The following PGM2 variants were observed in gnomAD, a reference collection of about 807,000 sequenced individuals.
PGM2 encodes the protein phosphopentomutase.
A neutral mutation model predicts 74.6 loss-of-function variants in PGM2; 57 were observed. The ratio of observed to expected loss-of-function variants is 0.76; its 90% CI spans 0.62 to 0.95. The LOEUF (loss-of-function observed/expected upper bound fraction) is 0.95. Among genes scored for constraint, PGM2 ranks in the 40% least tolerant of loss-of-function variants. The pLI is 0.00. For synonymous variants in PGM2, 273 were observed against 260.7 expected, an observed-to-expected ratio of 1.05 and a Z score of -0.46; for missense variants, 706 against 741.9, an observed-to-expected ratio of 0.95 and a Z score of 0.56.
chr4:37,828,429 C>CCATT (rs1725353930), intron 1 of PGM2, among the ~76,000 whole-genome samples: 1 of 151,886 alleles, frequency 6.6e-6, no homozygotes, highest in African/African-American at 2.4e-5. Context: ...GAGAAGAAGC[C>CCATT]CATTCATTCT....
intron 11 of PGM2, among the ~76,000 whole-genome samples, chr4:37,849,925 C>T (rs1372558555): frequency 6.6e-6 from 1 of 151,982 alleles, no homozygotes; most frequent in African/African-American, 2.4e-5. Flanking sequence ...GTAGCTGGGA[C>T]TACAGGTGCC....
chr4:37,846,947 T>C lies in PGM2; in HGVS notation c.1024T>C (p.Phe342Leu). 6.2e-7 allele frequency: 1 copy of C among 1,609,488 alleles called. No homozygotes were observed. Among genetic ancestry groups the C allele is most frequent in the Non-Finnish European group, 8.5e-7 (1 of 1,178,534 alleles). Residue 342 changes from phenylalanine to leucine, a missense_variant, in exon 9 of 14, where the codon TTT becomes CTT. This residue lies in a region of PGM2 where 359 missense variants were observed against 371.1 expected (regional missense o/e 0.97). Coordinates refer to ENST00000381967, the MANE Select transcript of PGM2 (RefSeq NM_018290.4). ...EKQDSGEWRV[F>L]SGNELGALLG... ...TTCTTTCAGTGGTGAATGGAGGGTG[T>C]TTTCAGGCAATGAGTTGGGGGCCCT...
intron 11 of PGM2, among the ~76,000 whole-genome samples, 192 bp downstream of exon 11, chr4:37,848,843 G>C (rs1470490905): frequency 6.6e-6 from 1 of 152,132 alleles, no homozygotes; most frequent in East Asian, 1.9e-4. Context: ...GCTGAGGCGG[G>C]TGGATCACCT....
At chr4:37,846,359 C>T (rs1725871886) in intron 8 of PGM2, among the ~76,000 whole-genome samples, 1 of 152,154 alleles carries the variant, frequency 6.6e-6, no homozygotes, top group South Asian at 2.1e-4. Context: ...AAACAGGTTC[C>T]ATTCTATATC....
At chr4:37,843,879 T>A (rs1461369802) in intron 6 of PGM2, among the ~76,000 whole-genome samples, 1 of 152,062 alleles carries the variant, frequency 6.6e-6, no homozygotes, top group Non-Finnish European at 1.5e-5. Context: ...AAAGTAAAAG[T>A]TTTATTTTTT....
chr4:37,845,509 G>C, intron 7 of PGM2, 124 bp from the exon 8 acceptor site: 2 of 653,116 alleles, frequency 3.1e-6, no homozygotes, highest in East Asian at 5.6e-5. Context: ...GTCTTGGTTG[G>C]TCCTATATTA....
Position 37,827,644 on chromosome 4 carries a change from A to G in PGM2, c.81+831A>G, listed in dbSNP as rs572598792. Among the ~76,000 whole-genome samples, 6 of 152,106 alleles carry G rather than the reference A, an allele frequency of 3.9e-5. No individual in the cohort carries two copies. The East Asian group carries it at 1.2e-3, about 29-fold the overall frequency. ...CCGAAGCGTTAAATTATTTATCCCTAATATTCACTCTAAACAGTCTGTTAT... is the reference window on the plus strand; with the variant it reads ...CCGAAGCGTTAAATTATTTATCCCTGATATTCACTCTAAACAGTCTGTTAT... On this transcript the variant is annotated intron_variant, in intron 1 of 13. Transcript: ENST00000381967.
Position 37,847,462 on chromosome 4 carries a change from GC to G in PGM2, c.1282+169del, listed in dbSNP as rs1725908600. The G allele has an allele frequency of 8.7e-6, 5 of 575,616 alleles. No individual in the cohort carries two copies. In the Admixed American group the frequency reaches 1.6e-4, roughly 18 times the overall value. 35.7% of individuals were successfully genotyped at this position (575,616 alleles called of 1,614,324 possible). ...AAATTGACATCTCAGATGATTTACA[GC>G]CAAAAGGAATGTCTTAAAAACAACT... On this transcript the variant is annotated intron_variant, in intron 10 of 13. Coordinates refer to ENST00000381967, the MANE Select transcript of PGM2 (RefSeq NM_018290.4).
At chr4:37,834,219 A>C (rs1725504977) in intron 2 of PGM2, among the ~76,000 whole-genome samples, 1 of 145,820 alleles carries the variant, frequency 6.9e-6, no homozygotes, top group South Asian at 2.1e-4. Flanking sequence ...CTGTGGTCCT[A>C]GCTTCTCAGG....
chr4:37,854,557 G>T (rs1326625320), intron 12 of PGM2, among the ~76,000 whole-genome samples: 3 of 151,998 alleles, frequency 2.0e-5, no homozygotes, highest in Non-Finnish European at 4.4e-5. Context: ...TGCCATGTTG[G>T]CCAGGCTTGT....
intron 6 of PGM2, among the ~76,000 whole-genome samples, chr4:37,840,827 A>G (rs771259828): frequency 6.6e-6 from 1 of 152,124 alleles, no homozygotes; most frequent in South Asian, 2.1e-4. Flanking sequence ...AAAAGCCATC[A>G]TAGATGAAAT....
In PGM2 at chr4:37,845,626, TC is replaced by T; in HGVS notation, c.910-6del. The T allele has an allele frequency of 6.3e-7, 1 of 1,575,090 alleles. No homozygotes were observed. On this transcript the variant is annotated splice_polypyrimidine_tract_variant and splice_region_variant and intron_variant, in intron 7 of 13. Coordinates refer to ENST00000381967, the MANE Select transcript of PGM2 (RefSeq NM_018290.4). ...AAATAATCTTTTATTTTCATATTCT[TC>T]TTCAGACTTTGTCTTTTGCTTTGGC...
intron 13 of PGM2, among the ~76,000 whole-genome samples, chr4:37,859,864 G>T (rs1019668249): frequency 2.6e-5 from 4 of 152,110 alleles, no homozygotes; most frequent in South Asian, 2.1e-4. Context: ...TCAGAAACAG[G>T]AATTCCTAAC....
intron 2 of PGM2, among the ~76,000 whole-genome samples, chr4:37,832,523 T>C (rs1488465954): frequency 2.0e-5 from 3 of 152,356 alleles, no homozygotes; most frequent in East Asian, 3.9e-4. Context: ...TTCAAAAATA[T>C]GTCAAAGGAA....
chr4:37,854,067 C>G (rs1282710185), intron 12 of PGM2, among the ~76,000 whole-genome samples: 3 of 152,194 alleles, frequency 2.0e-5, no homozygotes, highest in Non-Finnish European at 2.9e-5. Flanking sequence ...TCATCCATGT[C>G]TCCTTCCGCA....
chr4:37,841,832 G>T (rs988706128), intron 6 of PGM2, among the ~76,000 whole-genome samples: 2 of 152,212 alleles, frequency 1.3e-5, no homozygotes, highest in African/African-American at 2.4e-5. Context: ...GTGTGTGGGT[G>T]TGTGCGCGCG....
At chr4:37,856,857 A>G (rs1238983638) in intron 13 of PGM2, among the ~76,000 whole-genome samples, 1 of 152,214 alleles carries the variant, frequency 6.6e-6, no homozygotes, top group African/African-American at 2.4e-5. Flanking sequence ...ATTAATTTCA[A>G]TAATGTATTT....
At chr4:37,848,409 A>G in intron 10 of PGM2, 113 bp from the exon 11 acceptor site, 1 of 844,988 alleles carries the variant, frequency 1.2e-6, no homozygotes. Flanking sequence ...TTAATGAGAA[A>G]TGTGCATACA....
chr4:37,843,899 T>C (rs1725796137), intron 6 of PGM2, among the ~76,000 whole-genome samples: 1 of 152,214 alleles, frequency 6.6e-6, no homozygotes, highest in African/African-American at 2.4e-5. Context: ...TATATCTTTA[T>C]GTATGGGATA....
Sources: gnomAD v4.1 joint callset for allele counts (sites outside exome capture counted in the v4.1 genomes callset) on GRCh38, gnomAD v4.1.1 for gene constraint, gnomAD v4.1.1 regional missense constraint, MANE v1.5 for transcripts, NCBI Gene and HGNC (gene_info 2026-07-23, HGNC 2026-07-21) for gene names.